RHBDL2: variants seen among roughly 807,000 people sequenced by gnomAD.
The protein encoded by RHBDL2 is rhomboid like 2.
RHBDL2 carries 26 observed loss-of-function variants against 31.7 expected under a neutral mutation model. The observed-to-expected ratio is 0.82, with a 90% CI of 0.60 to 1.14. The LOEUF (loss-of-function observed/expected upper bound fraction) is 1.14, where lower values mean the gene tolerates loss of function less well. Among genes scored for constraint, RHBDL2 ranks in the 50% most tolerant of loss-of-function variants. The pLI, the probability that RHBDL2 is intolerant of heterozygous loss-of-function variation, is 0.00. For missense variants in RHBDL2, 336 were observed against 364.4 expected (o/e 0.92, Z 0.63); for synonymous variants, 123 against 127.2 (o/e 0.97, Z 0.22).
chr1:38,936,000 C>T (rs1301036680), intron 1 of RHBDL2, among the ~76,000 whole-genome samples: 3 of 151,694 alleles, frequency 2.0e-5, no homozygotes, highest in South Asian at 2.1e-4. Flanking sequence ...GAAGCCTCGA[C>T]CTCTTGGGCT....
At chr1:38,940,726 A>G (rs1380276668) in intron 1 of RHBDL2, among the ~76,000 whole-genome samples, 2 of 152,194 alleles carry the variant, frequency 1.3e-5, no homozygotes, top group Admixed American at 1.3e-4. Flanking sequence ...TTCAACATGC[A>G]TTGTTCCCTG....
At chr1:38,909,156 T>TA (rs1643108763) in intron 4 of RHBDL2, among the ~76,000 whole-genome samples, 1 of 152,092 alleles carries the variant, frequency 6.6e-6, no homozygotes, top group Admixed American at 6.6e-5. Flanking sequence ...TCGGGGTTTT[T>TA]ATAGGCACAG....
chr1:38,923,321 A>T (rs573697074), intron 1 of RHBDL2, among the ~76,000 whole-genome samples: 9 of 152,232 alleles, frequency 5.9e-5, no homozygotes, highest in Admixed American at 2.0e-4. Context: ...ATTCATGCAG[A>T]ACTATTCATA....
chr1:38,896,928 A>G (rs924414686), intron 4 of RHBDL2, among the ~76,000 whole-genome samples: 1 of 152,178 alleles, frequency 6.6e-6, no homozygotes, highest in Non-Finnish European at 1.5e-5. Context: ...GTCCTCAGTA[A>G]TTTTACAAAG....
chr1:38,902,201 CTTTTTTTT>C (rs770169792), intron 4 of RHBDL2, among the ~76,000 whole-genome samples: 2 of 92,806 alleles, frequency 2.2e-5, no homozygotes, highest in African/African-American at 3.8e-5. Flanking sequence ...TTTTCTTTTT[CTTTTTTTT>C]TTTTTTTTTT....
Position 38,886,451 on chromosome 1 carries a change from T to G in RHBDL2, c.*53A>C, listed in dbSNP as rs930997923. ...TTTCTTCATAGAGTCTTCCTTTTTT[T>G]TTTATTTCCTCCAGATGGCTCTTTT... is the stretch of plus-strand genomic sequence containing the variant. On this transcript the variant is annotated 3_prime_UTR_variant, in exon 8 of 8. Transcript: ENST00000372990. 2 of 1,344,288 alleles carry G rather than the reference T, an allele frequency of 1.5e-6. No individual in the cohort carries two copies. Among genetic ancestry groups the G allele is most frequent in the Admixed American group, 2.6e-5 (1 of 39,126 alleles). The allele number at this position is 1,344,288 out of a possible 1,614,324, so 83.3% of individuals were successfully genotyped here.
intron 1 of RHBDL2, among the ~76,000 whole-genome samples, chr1:38,938,412 C>T (rs1246789046): frequency 6.6e-6 from 1 of 151,968 alleles, no homozygotes; most frequent in Non-Finnish European, 1.5e-5. Context: ...GCCTATTTAT[C>T]CACCTTCATT....
chr1:38,895,079 C>A (rs1642900574), intron 5 of RHBDL2, among the ~76,000 whole-genome samples: 1 of 152,088 alleles, frequency 6.6e-6, no homozygotes, highest in South Asian at 2.1e-4. Flanking sequence ...GCGAGAGATT[C>A]ATTAAATAAA....
At position 38,886,587 on chromosome 1, in the gene RHBDL2, T is replaced by G; in HGVS notation, c.829A>C (p.Arg277=). The change falls in exon 8 of 8, where the codon AGG becomes CGG. Residue 277 remains arginine (R), a synonymous_variant. Transcript: ENST00000372990. ...TATGCAGCAATTGCTATCCAAAACC[T>G]TGGATCTTTCAGCAGTGCTTTATCA... ...CFDKALLKDP[R]FWIAIAAYLA... is the part of the protein sequence containing the mutation. 6.2e-7 allele frequency: 1 copy of G among 1,609,066 alleles called. No individual in the cohort carries two copies. Among genetic ancestry groups the G allele is most frequent in the Non-Finnish European group, 8.5e-7 (1 of 1,177,070 alleles).
intron 1 of RHBDL2, among the ~76,000 whole-genome samples, chr1:38,929,995 C>T (rs1223099427): frequency 6.6e-6 from 1 of 152,182 alleles, no homozygotes; most frequent in African/African-American, 2.4e-5. Flanking sequence ...CACAAACCCC[C>T]GTTTCCAAAA....
chr1:38,929,314 A>T, intron 1 of RHBDL2: 2 of 1,008,422 alleles, frequency 2.0e-6, no homozygotes, highest in Non-Finnish European at 2.7e-6. Context: ...TGCTACGACG[A>T]GGACTCTAGG....
chr1:38,938,373 G>A (rs1399907635), intron 1 of RHBDL2, among the ~76,000 whole-genome samples: 1 of 152,072 alleles, frequency 6.6e-6, no homozygotes, highest in Non-Finnish European at 1.5e-5. Flanking sequence ...CCTTAACGAG[G>A]CACAGAAAGA....
intron 1 of RHBDL2, among the ~76,000 whole-genome samples, chr1:38,921,727 TCAGA>T (rs1171016465): frequency 6.6e-6 from 1 of 152,124 alleles, no homozygotes; most frequent in African/African-American, 2.4e-5. Flanking sequence ...CCTCCCAGAG[TCAGA>T]CATTCAGTCC....
intron 4 of RHBDL2, among the ~76,000 whole-genome samples, chr1:38,905,803 C>T (rs189701429): frequency 2.7e-5 from 4 of 150,886 alleles, no homozygotes; most frequent in East Asian, 3.9e-4. Flanking sequence ...CATAGTTGCT[C>T]ACACCTCTAA....
chr1:38,899,943 C>T (rs1642968538), intron 4 of RHBDL2, among the ~76,000 whole-genome samples: 1 of 152,164 alleles, frequency 6.6e-6, no homozygotes, highest in Admixed American at 6.5e-5. Context: ...TGCTTTTCTG[C>T]CCTGCGACTT....
Position 38,933,726 on chromosome 1 carries a change from A to ATT in RHBDL2, c.-126+7954_-126+7955dup, listed in dbSNP as rs10579780. 2.8e-3 allele frequency among the ~76,000 whole-genome samples: 373 copies of ATT among 135,340 alleles called. 1 individual carries two copies. The highest frequency in any genetic ancestry group is 9.7e-3 in the African/African-American group (356 of 36,550). The allele number at this position is 135,340 out of a possible 152,430, so 88.8% of individuals were successfully genotyped here. On this transcript the variant is annotated intron_variant, in intron 1 of 7. Transcript: ENST00000372990. Reference sequence around the variant, plus strand: ...GTGTCATACCTCACAGGTCTTCACAATTTTTTTTTTTTTTTTTTTTGAGAC... The same window carrying ATT: ...GTGTCATACCTCACAGGTCTTCACAATTTTTTTTTTTTTTTTTTTTTTGAGAC...
At chr1:38,920,638 G>C (rs9439094) in intron 1 of RHBDL2, among the ~76,000 whole-genome samples, 1 of 139,362 alleles carries the variant, frequency 7.2e-6, no homozygotes. Flanking sequence ...ACAGAGTCTC[G>C]CTCTGTCGCC....
At chr1:38,886,944 T>C (rs1297710832) in intron 7 of RHBDL2, among the ~76,000 whole-genome samples, 2 of 152,252 alleles carry the variant, frequency 1.3e-5, no homozygotes, top group Non-Finnish European at 1.5e-5. Flanking sequence ...TTTCTCATTC[T>C]TAATCATCAT....
chr1:38,924,593 CA>C (rs1187160167), intron 1 of RHBDL2, among the ~76,000 whole-genome samples: 1 of 145,242 alleles, frequency 6.9e-6, no homozygotes, highest in Non-Finnish European at 1.5e-5. Flanking sequence ...GACTCCGTCT[CA>C]AAAAAAAAAC....
Sources: gnomAD v4.1 joint callset for allele counts (sites outside exome capture counted in the v4.1 genomes callset) on GRCh38, gnomAD v4.1.1 for gene constraint, MANE v1.5 for transcripts, NCBI Gene and HGNC (gene_info 2026-07-23, HGNC 2026-07-21) for gene names.